The following KCNMA1 variants were observed in gnomAD, a reference collection of about 807,000 sequenced individuals.
The protein encoded by KCNMA1 is Calcium-activated potassium channel subunit alpha-1.
In KCNMA1, 29 loss-of-function variants were observed where a neutral mutation model predicts 140.0. The observed-to-expected ratio is 0.21, with a 90% CI of 0.15 to 0.28. KCNMA1 has a LOEUF of 0.28. Among genes scored for constraint, KCNMA1 ranks in the 10% least tolerant of loss-of-function variants. The pLI, the probability that KCNMA1 is intolerant of heterozygous loss-of-function variation, is 1.00. For synonymous variants in KCNMA1, 612 were observed against 611.9 expected, an observed-to-expected ratio of 1.00 and a Z score of 0.00; for missense variants, 880 against 1,602.2, an observed-to-expected ratio of 0.55 and a Z score of 7.70.
chr10:77,507,534 C>T (rs1282014079), intron 1 of KCNMA1, among the ~76,000 whole-genome samples: 4 of 152,196 alleles, frequency 2.6e-5, no homozygotes, highest in Non-Finnish European at 5.9e-5. Flanking sequence ...TTCTTTCCTG[C>T]AGGCAGGCTC....
chr10:76,941,845 G>A (rs773835544), intron 23 of KCNMA1, among the ~76,000 whole-genome samples: 5 of 152,190 alleles, frequency 3.3e-5, no homozygotes, highest in Non-Finnish European at 5.9e-5. Context: ...TCTGGAGAAC[G>A]GAAAGTTCAA....
intron 1 of KCNMA1, among the ~76,000 whole-genome samples, chr10:77,581,944 G>A (rs1335990107): frequency 3.3e-5 from 5 of 152,194 alleles, no homozygotes; most frequent in East Asian, 3.9e-4. Flanking sequence ...AGCTGTCATC[G>A]GTCTCTGATC....
In KCNMA1 at chr10:77,049,852, C is replaced by T. The variant is rs577759088; in HGVS notation, c.1750-10215G>A. Among the ~76,000 whole-genome samples, 8 of 152,170 alleles carry T rather than the reference C, an allele frequency of 5.3e-5. No homozygotes were observed. In the South Asian group the frequency reaches 1.7e-3, roughly 31 times the overall value. On this transcript the variant is annotated intron_variant, in intron 14 of 27. Transcript: ENST00000286628. ...GGTCATTTTTACACTTCCCAAAAAA[C>T]TTCTTACTATGAGCAATATTTTCTG...
chr10:77,471,407 TACAC>T (rs1253897358), intron 1 of KCNMA1, among the ~76,000 whole-genome samples: 1 of 133,556 alleles, frequency 7.5e-6, no homozygotes, highest in African/African-American at 2.9e-5. Context: ...ACATCACACA[TACAC>T]ACACCAAGCA....
chr10:77,283,752 C>T (rs985480659), intron 2 of KCNMA1, among the ~76,000 whole-genome samples: 4 of 152,308 alleles, frequency 2.6e-5, no homozygotes, highest in African/African-American at 9.6e-5. Flanking sequence ...CAGATAGTAG[C>T]TGCTTTCAGG....
intron 21 of KCNMA1, chr10:76,952,076 A>C: frequency 1.9e-6 from 3 of 1,552,250 alleles, no homozygotes; most frequent in Non-Finnish European, 2.6e-6. Flanking sequence ...ATGTTGATTG[A>C]ATATCAGTTG....
At chr10:77,331,402 C>T (rs1198180687) in intron 2 of KCNMA1, among the ~76,000 whole-genome samples, 1 of 152,120 alleles carries the variant, frequency 6.6e-6, no homozygotes, top group Non-Finnish European at 1.5e-5. Context: ...CATAAACAAC[C>T]ATTCCTGTTT....
At chr10:77,381,694 T>C (rs2095392983) in intron 2 of KCNMA1, among the ~76,000 whole-genome samples, 1 of 152,224 alleles carries the variant, frequency 6.6e-6, no homozygotes, top group Admixed American at 6.5e-5. Context: ...AGTGGGCTGC[T>C]GGTCCAAATT....
At chr10:77,335,227 T>C (rs527911427) in intron 2 of KCNMA1, among the ~76,000 whole-genome samples, 6 of 152,146 alleles carry the variant, frequency 3.9e-5, no homozygotes, top group Non-Finnish European at 7.4e-5. Flanking sequence ...TGTCCCAAGA[T>C]GAAAACAAAG....
At chr10:77,561,032 GCTCCT>G in intron 1 of KCNMA1, among the ~76,000 whole-genome samples, 1 of 148,784 alleles carries the variant, frequency 6.7e-6, no homozygotes, top group East Asian at 2.0e-4. Context: ...CAGGGGAACG[GCTCCT>G]CCTGACAATG....
Position 77,637,225 on chromosome 10 carries a change from G to GGGGCTGGCGCAGA in KCNMA1, c.378+27_378+39dup, listed in dbSNP as rs1229446069. ...GCTGCAGGGGACGCCGAGAAGCGGTGGGGCTGGCGCAGAGGGCGGGCGCCC... is the reference window on the plus strand; with the variant it reads ...GCTGCAGGGGACGCCGAGAAGCGGTGGGGCTGGCGCAGAGGGCTGGCGCAGAGGGCGGGCGCCC... On this transcript the variant is annotated intron_variant, in intron 1 of 27. Coordinates refer to ENST00000286628, the MANE Select transcript of KCNMA1 (RefSeq NM_001161352.2). The GGGGCTGGCGCAGA allele has an allele frequency of 2.6e-6, 4 of 1,540,570 alleles. No homozygotes were observed. The South Asian group carries it at 4.7e-5, about 18-fold the overall frequency.
intron 1 of KCNMA1, among the ~76,000 whole-genome samples, chr10:77,483,328 C>T (rs2098423616): frequency 6.6e-6 from 1 of 152,232 alleles, no homozygotes; most frequent in Admixed American, 6.5e-5. Flanking sequence ...AAAATAGAGA[C>T]ATGTCACAGC....
chr10:76,960,960 T>C (rs1346357178), intron 20 of KCNMA1, among the ~76,000 whole-genome samples: 1 of 151,946 alleles, frequency 6.6e-6, no homozygotes, highest in Non-Finnish European at 1.5e-5. Flanking sequence ...CTGATGGAGA[T>C]GTATAAGATG....
chr10:77,437,746 A>C (rs1433542021), intron 1 of KCNMA1, among the ~76,000 whole-genome samples: 1 of 152,232 alleles, frequency 6.6e-6, no homozygotes, highest in African/African-American at 2.4e-5. Flanking sequence ...CAGAGGCAGG[A>C]GGCCTGCACC....
chr10:77,145,323 G>A (rs1462236044), intron 5 of KCNMA1, among the ~76,000 whole-genome samples: 1 of 152,172 alleles, frequency 6.6e-6, no homozygotes, highest in Non-Finnish European at 1.5e-5. Context: ...TCACAAGAAA[G>A]GATTTCTTAT....
chr10:77,048,763 A>G (rs2153618607), intron 14 of KCNMA1, among the ~76,000 whole-genome samples: 1 of 152,186 alleles, frequency 6.6e-6, no homozygotes, highest in African/African-American at 2.4e-5. Flanking sequence ...GGAGAACATG[A>G]CTTTTTTGTT....
intron 2 of KCNMA1, among the ~76,000 whole-genome samples, chr10:77,368,676 C>A (rs1361836252): frequency 6.6e-6 from 1 of 152,162 alleles, no homozygotes; most frequent in Non-Finnish European, 1.5e-5. Context: ...ACACTTATAT[C>A]TGTGATCCAC....
intron 4 of KCNMA1, 116 bp from the exon 5 acceptor site, chr10:77,183,648 G>T: frequency 1.4e-6 from 1 of 739,410 alleles, no homozygotes; most frequent in South Asian, 1.5e-5. Flanking sequence ...CACCACGCCC[G>T]GCTAATTTTT....
intron 2 of KCNMA1, among the ~76,000 whole-genome samples, chr10:77,299,919 C>T (rs140786686): frequency 7.9e-5 from 12 of 152,318 alleles, no homozygotes; most frequent in Non-Finnish European, 1.5e-4. Context: ...CTCTAACATG[C>T]TGTGCTCAGA....
Sources: allele counts gnomAD v4.1 joint callset (sites outside exome capture counted in the v4.1 genomes callset), GRCh38; gene constraint gnomAD v4.1.1; transcripts MANE v1.5; gene names NCBI Gene and HGNC (gene_info 2026-07-23, HGNC 2026-07-21).